SLC66A1: variants seen among roughly 807,000 people sequenced by gnomAD.
SLC66A1 encodes the protein lysosomal amino acid transporter 1 homolog.
A neutral mutation model predicts 33.0 loss-of-function variants in SLC66A1; 23 were observed. That is an observed-to-expected ratio of 0.70 (90% CI 0.50 to 0.99). The LOEUF (loss-of-function observed/expected upper bound fraction) is 0.99, where lower values mean the gene tolerates loss of function less well. SLC66A1 is among the 50% of genes least tolerant of loss of function. SLC66A1 has a pLI of 0.00. For synonymous variants in SLC66A1, 164 were observed against 175.5 expected (o/e 0.93, Z 0.52); for missense variants, 335 against 383.6 (o/e 0.87, Z 1.06).
intron 2 of SLC66A1, among the ~76,000 whole-genome samples, chr1:19,322,160 G>T (rs898130323): frequency 6.6e-6 from 1 of 152,000 alleles, no homozygotes; most frequent in Non-Finnish European, 1.5e-5. Flanking sequence ...AGCATCAGTG[G>T]TGGGGGGATT....
intron 2 of SLC66A1, among the ~76,000 whole-genome samples, chr1:19,321,339 C>G (rs1281029241): frequency 6.8e-6 from 1 of 146,838 alleles, no homozygotes; most frequent in Non-Finnish European, 1.5e-5. Context: ...CTAAACCTTG[C>G]TAATTGAAAT....
downstream of SLC66A1, among the ~76,000 whole-genome samples, chr1:19,332,105 G>T (rs577234934): frequency 6.6e-6 from 1 of 152,216 alleles, no homozygotes; most frequent in African/African-American, 2.4e-5. Flanking sequence ...GCGCCCCAAG[G>T]AGGATTCAAA....
downstream of SLC66A1, among the ~76,000 whole-genome samples, chr1:19,333,913 CAAA>C (rs1369507290): frequency 6.6e-6 from 1 of 150,782 alleles, no homozygotes; most frequent in Non-Finnish European, 1.5e-5. This position sits in a 1 kb window ranked among gnomAD's most constrained non-coding sequence, Gnocchi z 4.2. Context: ...CAAAACAAAA[CAAA>C]ACAAAACAAA....
chr1:19,324,618 C>G lies in SLC66A1; in HGVS notation c.165-15C>G. On this transcript the variant is annotated splice_polypyrimidine_tract_variant and intron_variant, in intron 2 of 7. Transcript: ENST00000375153. ...GTGGCCTGAGCATGCATCCCTTCCT[C>G]TTCCTCTTCCACAGCCAGTTCATCA... 6.2e-7 allele frequency: 1 copy of G among 1,614,052 alleles called. No individual in the cohort carries two copies.
chr1:19,314,413 G>T (rs986403236), intron 1 of SLC66A1, among the ~76,000 whole-genome samples: 1 of 152,136 alleles, frequency 6.6e-6, no homozygotes, highest in African/African-American at 2.4e-5. Context: ...ATAAACCAAG[G>T]TACCTTCCTC....
At chr1:19,333,503 G>A (rs1202915478), downstream of SLC66A1, among the ~76,000 whole-genome samples, 2 of 152,110 alleles carry the variant, frequency 1.3e-5, no homozygotes, top group African/African-American at 4.8e-5. This position sits in a 1 kb window ranked among gnomAD's most constrained non-coding sequence, Gnocchi z 4.2. Flanking sequence ...TTCCATTCCT[G>A]AAGCCGAGGA....
downstream of SLC66A1, among the ~76,000 whole-genome samples, chr1:19,329,684 A>G (rs2093887259): frequency 6.6e-6 from 1 of 152,238 alleles, no homozygotes; most frequent in African/African-American, 2.4e-5. Flanking sequence ...AGGATTACAT[A>G]AGATGCTGAC....
intron 4 of SLC66A1, among the ~76,000 whole-genome samples, chr1:19,326,003 G>A (rs1222110624): frequency 6.6e-6 from 1 of 152,200 alleles, no homozygotes; most frequent in Non-Finnish European, 1.5e-5. Flanking sequence ...TCTCATCAGC[G>A]TTCCTGCTTC....
At chr1:19,313,332 C>A in intron 1 of SLC66A1, 1 of 779,346 alleles carries the variant, frequency 1.3e-6, no homozygotes, top group Non-Finnish European at 1.6e-6. Context: ...CCTTTCTCAC[C>A]CGTTTCCTCT....
At chr1:19,320,242 CTT>C (rs1240807437) in intron 2 of SLC66A1, among the ~76,000 whole-genome samples, 1 of 151,870 alleles carries the variant, frequency 6.6e-6, no homozygotes, top group Non-Finnish European at 1.5e-5. Flanking sequence ...TTTTATTTCT[CTT>C]GAGTATATAC....
At chr1:19,319,665 G>C (rs2093824503) in intron 2 of SLC66A1, among the ~76,000 whole-genome samples, 1 of 135,390 alleles carries the variant, frequency 7.4e-6, no homozygotes, top group Non-Finnish European at 1.5e-5. Flanking sequence ...CACTTTGGGA[G>C]GCTAAGGCGG....
chr1:19,323,562 A>G (rs2093848204), intron 2 of SLC66A1, among the ~76,000 whole-genome samples: 1 of 152,014 alleles, frequency 6.6e-6, no homozygotes, highest in Non-Finnish European at 1.5e-5. Context: ...GTGCGCCACC[A>G]TGCCTGGCTG....
intron 2 of SLC66A1, among the ~76,000 whole-genome samples, chr1:19,324,423 C>T (rs967673271): frequency 6.6e-6 from 1 of 152,224 alleles, no homozygotes; most frequent in African/African-American, 2.4e-5. Context: ...GTAGAGTCCT[C>T]GGCTTAGAAG....
chr1:19,322,987 T>G (rs539923712), intron 2 of SLC66A1, among the ~76,000 whole-genome samples: 1 of 151,962 alleles, frequency 6.6e-6, no homozygotes, highest in East Asian at 1.9e-4. Flanking sequence ...GCTCAAGTGA[T>G]CCTCCCACCT....
At chr1:19,318,391 G>C (rs1183867059) in intron 2 of SLC66A1, among the ~76,000 whole-genome samples, 4 of 152,208 alleles carry the variant, frequency 2.6e-5, no homozygotes. Context: ...CAGGGGTCAA[G>C]AGCATCTTGA....
chr1:19,326,405 C>T lies in SLC66A1; in HGVS notation c.525+18C>T, dbSNP rs201919915. ...GCAGCAAGGTGAGGCGTGGGCGTGG[C>T]GGTCGAAGGGATGGAGGCTGGCTCA... On this transcript the variant is annotated intron_variant, in intron 5 of 7. Coordinates refer to ENST00000375153, the MANE Select transcript of SLC66A1 (RefSeq NM_001040125.2). 8.3e-4 allele frequency: 1,335 copies of T among 1,604,408 alleles called. 6 individuals carry two copies. The African/African-American group carries it at 0.014, about 16-fold the overall frequency.
At chr1:19,326,646 G>A (rs542330254) in intron 6 of SLC66A1, 23 bp downstream of exon 6, 2 of 1,610,706 alleles carry the variant, frequency 1.2e-6, no homozygotes, top group African/African-American at 1.3e-5. Flanking sequence ...CAGGGGCTGG[G>A]TGGGGCCGAG....
downstream of SLC66A1, among the ~76,000 whole-genome samples, chr1:19,332,947 G>A (rs560399255): frequency 1.3e-5 from 2 of 152,204 alleles, no homozygotes; most frequent in African/African-American, 4.8e-5. Flanking sequence ...AGAGGTCCCC[G>A]CCTTGGCAGG....
In SLC66A1 at chr1:19,328,491, C is replaced by A; in HGVS notation, c.805-81C>A. ...GGGTGGGAGGGAGGGGAGAGGGAGG[C>A]AGCTCCCAGGAGTCGAAGGCCCCCA... On this transcript the variant is annotated intron_variant, in intron 7 of 7. Transcript: ENST00000375153. This position sits in a 1 kb window ranked among gnomAD's most constrained non-coding sequence, Gnocchi z 4.7. 1 of 1,316,394 alleles carries A rather than the reference C, an allele frequency of 7.6e-7. No individual in the cohort carries two copies. The highest frequency in any genetic ancestry group is 1.1e-6 in the Non-Finnish European group (1 of 937,028). 81.5% of individuals were successfully genotyped at this position (1,316,394 alleles called of 1,614,324 possible).
Sources: allele counts gnomAD v4.1 joint callset (sites outside exome capture counted in the v4.1 genomes callset), GRCh38; gene constraint gnomAD v4.1.1; non-coding constraint Gnocchi (gnomAD v3.1); transcripts MANE v1.5; gene names NCBI Gene and HGNC (gene_info 2026-07-23, HGNC 2026-07-21).